Variants in PWWP3A observed in about 807,000 individuals in gnomAD.
PWWP3A encodes PWWP domain containing 3A, DNA repair factor.
Under a neutral mutation model 79.0 loss-of-function variants are expected in PWWP3A, and 53 were observed. The observed-to-expected ratio is 0.67, with a 90% CI of 0.54 to 0.84. PWWP3A has a LOEUF of 0.84. PWWP3A is among the 40% of genes least tolerant of loss of function. The pLI is 0.00. For missense variants in PWWP3A, 973 were observed against 948.0 expected, an observed-to-expected ratio of 1.03 and a Z score of -0.35; for synonymous variants, 443 against 394.4, an observed-to-expected ratio of 1.12 and a Z score of -1.46.
Position 1,360,047 on chromosome 19 carries a change from A to C in PWWP3A, c.215-89A>C. On this transcript the variant is annotated intron_variant, in intron 4 of 13. Transcript: ENST00000591337. The surrounding 1 kb of genome is among the most constrained non-coding windows in gnomAD (Gnocchi z 4.4). ...TTTAGGTATGAAACTAGCCGTCAGA[A>C]TGAGACAAGCGAGCTTCTAAAGCGA... The C allele has an allele frequency of 7.5e-7, 1 of 1,333,780 alleles. No individual in the cohort carries two copies. Among genetic ancestry groups the C allele is most frequent in the Non-Finnish European group, 9.9e-7 (1 of 1,009,126 alleles). The allele number at this position is 1,333,780 out of a possible 1,614,324, so 82.6% of individuals were successfully genotyped here.
At chr19:1,376,291 G>GTTCT (rs2082391922) in intron 13 of PWWP3A, among the ~76,000 whole-genome samples, 1 of 50,852 alleles carries the variant, frequency 2.0e-5, no homozygotes, top group Non-Finnish European at 4.3e-5. Flanking sequence ...ACGCCCGGCT[G>GTTCT]TTTGTTTTTT....
In PWWP3A at chr19:1,360,749, G is replaced by T. The variant is rs374979195; in HGVS notation, c.828G>T (p.Pro276=). The T allele has an allele frequency of 9.3e-6, 15 of 1,612,208 alleles. No individual in the cohort carries two copies. Among genetic ancestry groups the T allele is most frequent in the Non-Finnish European group, 1.3e-5 (15 of 1,179,472 alleles). ...CTGAGGGACACGACCCCGGTCTGCCGTTGGGCAGCCTCACTGCGCCCCCAG... is the reference window on the plus strand; with the variant it reads ...CTGAGGGACACGACCCCGGTCTGCCTTTGGGCAGCCTCACTGCGCCCCCAG... ...ANAEGHDPGL[P]LGSLTAPPAP... is the part of the protein sequence containing the mutation. The change falls in exon 5 of 14, where the codon CCG becomes CCT. Residue 276 remains proline, a synonymous_variant. Coordinates refer to ENST00000591337, the MANE Select transcript of PWWP3A (RefSeq NM_001369789.1). This position sits in a 1 kb window ranked among gnomAD's most constrained non-coding sequence, Gnocchi z 4.4.
chr19:1,361,938 G>A (rs2082025380), intron 5 of PWWP3A: 4 of 270,202 alleles, frequency 1.5e-5, no homozygotes, highest in Non-Finnish European at 2.9e-5. Flanking sequence ...GCCAGGCCGG[G>A]ACAAAAGGGA....
chr19:1,358,298 A>T lies in PWWP3A; in HGVS notation c.144-96A>T, dbSNP rs2081929378. ...TTTAAGTGGAAGGTTGAGGAGGAAA[A>T]TGAAAATAATTCTTTTGTTATCTAA... On this transcript the variant is annotated intron_variant, in intron 3 of 13. Transcript: ENST00000591337. 4.1e-6 allele frequency: 5 copies of T among 1,207,570 alleles called. No homozygotes were observed. The South Asian group carries it at 6.8e-5, about 16-fold the overall frequency. The allele number at this position is 1,207,570 out of a possible 1,614,324, so 74.8% of individuals were successfully genotyped here.
intron 13 of PWWP3A, among the ~76,000 whole-genome samples, chr19:1,376,297 T>TTG (rs2082394911): frequency 2.2e-5 from 2 of 89,290 alleles, no homozygotes; most frequent in East Asian, 2.3e-4. Flanking sequence ...GGCTGTTTGT[T>TTG]TTTTTTTTTG....
rs1343912339 is a variant in PWWP3A, at chr19:1,373,181, T to G, written c.2075+21T>G. On this transcript the variant is annotated intron_variant, in intron 13 of 13. Coordinates refer to ENST00000591337, the MANE Select transcript of PWWP3A (RefSeq NM_001369789.1). The stretch of plus-strand genomic sequence containing the variant: ...TACCGGTAGGCCGCTCCCGGCGCTA[T>G]CTCCAGCCACTTGCGTCTCTGCCTT... 3 of 1,607,386 alleles carry G rather than the reference T, an allele frequency of 1.9e-6. No homozygotes were observed. In the African/African-American group the frequency reaches 4.0e-5, roughly 21 times the overall value.
At chr19:1,375,783 T>C (rs1487253387) in intron 13 of PWWP3A, among the ~76,000 whole-genome samples, 5 of 132,072 alleles carry the variant, frequency 3.8e-5, no homozygotes, top group East Asian at 2.1e-4. Context: ...TATGTAGACA[T>C]ACACACACAC....
In PWWP3A at chr19:1,360,415, C is replaced by T. The variant is rs761943422; in HGVS notation, c.494C>T (p.Thr165Ile). 11 of 1,614,028 alleles carry T rather than the reference C, an allele frequency of 6.8e-6. No individual in the cohort carries two copies. Among genetic ancestry groups the T allele is most frequent in the African/African-American group, 5.3e-5 (4 of 74,918 alleles). Residue 165 changes from threonine (T) to isoleucine (I), a missense_variant, in exon 5 of 14, where the codon ACT becomes ATT. Coordinates refer to ENST00000591337, the MANE Select transcript of PWWP3A (RefSeq NM_001369789.1). This position sits in a 1 kb window ranked among gnomAD's most constrained non-coding sequence, Gnocchi z 4.4. ...CVQQSLSSSFTCEKDPECKVD... is the reference protein window; with the variant it reads ...CVQQSLSSSFICEKDPECKVD... ...CAACAAAGCCTGTCAAGTTCGTTCA[C>T]TTGTGAAAAGGACCCCGAGTGCAAA...
In PWWP3A at chr19:1,376,312, T is replaced by G. The variant is rs1396145426; in HGVS notation, c.2076-207T>G. Among the ~76,000 whole-genome samples the G allele has an allele frequency of 1.9e-4, 15 of 79,662 alleles. 1 individual carries two copies. The highest frequency in any genetic ancestry group is 1.4e-3 in the East Asian group (6 of 4,194). 52.3% of individuals were successfully genotyped at this position (79,662 alleles called of 152,430 possible). A position where few individuals can be genotyped will look rare whatever the true frequency, so the allele number is the denominator to read the frequency against. On this transcript the variant is annotated intron_variant, in intron 13 of 13. Coordinates refer to ENST00000591337, the MANE Select transcript of PWWP3A (RefSeq NM_001369789.1). ...GGCTGTTTGTTTTTTTTTTTGTTTG[T>G]TTTTTTTTTTTTTTGGTATTTTTTG...
intron 8 of PWWP3A, 34 bp from the exon 9 acceptor site, chr19:1,367,126 A>G (rs776124620): frequency 1.3e-6 from 2 of 1,570,942 alleles, no homozygotes; most frequent in South Asian, 1.1e-5. Flanking sequence ...GAGGAAGTTC[A>G]TTCATGTTAA....
At chr19:1,376,462 C>A in intron 13 of PWWP3A, 57 bp from the exon 14 acceptor site, 1 of 1,577,864 alleles carries the variant, frequency 6.3e-7, no homozygotes, top group Non-Finnish European at 8.7e-7. Flanking sequence ...TCCTCTCTCT[C>A]ATATTCTTTA....
chr19:1,366,732 C>A (rs2144734641), intron 8 of PWWP3A, among the ~76,000 whole-genome samples: 1 of 152,256 alleles, frequency 6.6e-6, no homozygotes, highest in East Asian at 1.9e-4. Context: ...TCCCTGCGTC[C>A]ACCTGAGTTT....
At chr19:1,366,838 A>C (rs1004717052) in intron 8 of PWWP3A, among the ~76,000 whole-genome samples, 1 of 152,254 alleles carries the variant, frequency 6.6e-6, no homozygotes, top group Non-Finnish European at 1.5e-5. Flanking sequence ...ATCGCATTGC[A>C]TATCCCCAAG....
At chr19:1,371,343 G>A (rs79647144) in intron 12 of PWWP3A, 516 of 704,962 alleles carry the variant, frequency 7.3e-4, no homozygotes, top group African/African-American at 5.5e-3. Flanking sequence ...CAGGGGGTGC[G>A]AACTCCCTCC....
rs556673177 is a variant in PWWP3A, at chr19:1,360,939, C to G, written c.1018C>G (p.Arg340Gly). 3.2e-5 allele frequency: 48 copies of G among 1,513,528 alleles called. No homozygotes were observed. Among genetic ancestry groups the G allele is most frequent in the Non-Finnish European group, 3.5e-5 (39 of 1,130,068 alleles). The allele number at this position is 1,513,528 out of a possible 1,614,324, so 93.8% of individuals were successfully genotyped here. A position where few individuals can be genotyped will look rare whatever the true frequency, so the allele number is the denominator to read the frequency against. The part of the protein sequence containing the change: ...GPGPRESVTP[R>G]STARLGPPPS... ...AGGGCCCAGAGAGTCTGTGACCCCGCGCAGCACCGCCAGGCTGGGCCCGCC... is the reference window on the plus strand; with the variant it reads ...AGGGCCCAGAGAGTCTGTGACCCCGGGCAGCACCGCCAGGCTGGGCCCGCC... Residue 340 changes from arginine (R) to glycine (G), a missense_variant, in exon 5 of 14, where the codon CGC (arginine) becomes GGC (glycine). Transcript: ENST00000591337. The surrounding 1 kb of genome is among the most constrained non-coding windows in gnomAD (Gnocchi z 4.4).
chr19:1,371,614 T>C (rs1013524191), intron 12 of PWWP3A: 12 of 582,608 alleles, frequency 2.1e-5, no homozygotes, highest in Non-Finnish European at 1.2e-5. Flanking sequence ...ATTTTGAAGT[T>C]TGTATCTGAA....
chr19:1,375,414 T>A (rs2082344248), intron 13 of PWWP3A, among the ~76,000 whole-genome samples: 1 of 107,662 alleles, frequency 9.3e-6, no homozygotes, highest in African/African-American at 3.6e-5. Flanking sequence ...ATAATATATA[T>A]TATATATATA....
chr19:1,357,332 C>A, intron 3 of PWWP3A: 1 of 379,366 alleles, frequency 2.6e-6, no homozygotes, highest in Non-Finnish European at 4.8e-6. Flanking sequence ...GAGATTGGTA[C>A]AAACACTGAA....
In PWWP3A at chr19:1,376,302, TTTTTGTTTG is replaced by T. The variant is rs1461415034; in HGVS notation, c.2076-212_2076-204del. Among the ~76,000 whole-genome samples the T allele has an allele frequency of 8.7e-4, 84 of 96,108 alleles. 3 individuals carry two copies. The highest frequency in any genetic ancestry group is 1.8e-3 in the South Asian group (5 of 2,836). The allele number at this position is 96,108 out of a possible 152,430, so 63.1% of individuals were successfully genotyped here. ...CACCACGCCCGGCTGTTTGTTTTTT[TTTTTGTTTG>T]TTTTTTTTTTTTTTTGGTATTTTTT... On this transcript the variant is annotated intron_variant, in intron 13 of 13. Transcript: ENST00000591337.
Sources: allele counts gnomAD v4.1 joint callset (sites outside exome capture counted in the v4.1 genomes callset), GRCh38; gene constraint gnomAD v4.1.1; non-coding constraint Gnocchi (gnomAD v3.1); transcripts MANE v1.5; gene names NCBI Gene and HGNC (gene_info 2026-07-23, HGNC 2026-07-21).